Variants in NRG1 observed in about 807,000 individuals in gnomAD.
NRG1 encodes the protein neuregulin 1, also known as pro-neuregulin-1, membrane-bound isoform.
NRG1 carries 18 observed loss-of-function variants against 63.8 expected under a neutral mutation model. The observed-to-expected ratio is 0.28, with a 90% confidence interval of 0.19 to 0.42. The LOEUF is 0.42. Ranked by LOEUF, NRG1 falls within the 10% of genes least tolerant of loss-of-function variation. The pLI is 1.00. For missense variants in NRG1, 762 were observed against 814.7 expected (o/e 0.94, Z 0.79); for synonymous variants, 302 against 301.3 (o/e 1.00, Z -0.02).
intron 1 of NRG1, among the ~76,000 whole-genome samples, chr8:31,970,754 C>T (rs1286489824): frequency 6.6e-6 from 1 of 152,064 alleles, no homozygotes; most frequent in Non-Finnish European, 1.5e-5. Context: ...CATGTCCTTA[C>T]CCTCCATGTA....
chr8:32,393,427 C>T (rs895316486), intron 1 of NRG1, among the ~76,000 whole-genome samples: 8 of 152,106 alleles, frequency 5.3e-5, no homozygotes, highest in South Asian at 4.1e-4. Context: ...TAAAAACACA[C>T]GCATGCTTAT....
At chr8:31,871,270 C>T (rs768622679) in intron 1 of NRG1, among the ~76,000 whole-genome samples, 8 of 152,036 alleles carry the variant, frequency 5.3e-5, no homozygotes, top group African/African-American at 7.2e-5. Flanking sequence ...CTACTGTGCC[C>T]GTCCTTGTTT....
intron 1 of NRG1, among the ~76,000 whole-genome samples, chr8:31,723,057 T>C (rs569263956): frequency 7.1e-4 from 108 of 152,276 alleles, no homozygotes; most frequent in Middle Eastern, 6.8e-3. Context: ...AGATTATACA[T>C]TTTGGTCTTG....
At chr8:32,267,088 G>A (rs1851038152) in intron 1 of NRG1, among the ~76,000 whole-genome samples, 1 of 140,070 alleles carries the variant, frequency 7.1e-6, no homozygotes, top group South Asian at 2.3e-4. Flanking sequence ...GAGAGAGAAA[G>A]AGAGAGAAAG....
chr8:32,429,747 C>T (rs186871595), intron 1 of NRG1, among the ~76,000 whole-genome samples: 218 of 152,274 alleles, frequency 1.4e-3, no homozygotes, highest in African/African-American at 5.1e-3. Flanking sequence ...CACTGGACAT[C>T]CTACATCTGT....
At chr8:32,228,148 A>G (rs1317633079) in intron 1 of NRG1, among the ~76,000 whole-genome samples, 1 of 152,112 alleles carries the variant, frequency 6.6e-6, no homozygotes, top group Non-Finnish European at 1.5e-5. Flanking sequence ...TTATACAATA[A>G]TTTCTTGGTA....
chr8:32,712,602 T>G (rs531974930), intron 5 of NRG1, among the ~76,000 whole-genome samples: 1 of 152,338 alleles, frequency 6.6e-6, no homozygotes, highest in East Asian at 1.9e-4. Flanking sequence ...CTCGTTAAAA[T>G]GATGACTTCT....
intron 1 of NRG1, among the ~76,000 whole-genome samples, chr8:32,221,318 T>C (rs1845789332): frequency 6.6e-6 from 1 of 152,192 alleles, no homozygotes; most frequent in African/African-American, 2.4e-5. Flanking sequence ...CCTTTACCTG[T>C]CTTGATGCAC....
chr8:31,935,011 G>T (rs1423320799), intron 1 of NRG1, among the ~76,000 whole-genome samples: 1 of 152,050 alleles, frequency 6.6e-6, no homozygotes, highest in Non-Finnish European at 1.5e-5. Flanking sequence ...GAGTGCAGTG[G>T]TATGATACAG....
intron 1 of NRG1, among the ~76,000 whole-genome samples, chr8:31,696,315 C>T (rs1198735334): frequency 1.3e-5 from 2 of 152,326 alleles, no homozygotes; most frequent in Admixed American, 1.3e-4. Context: ...GATCTGCCTG[C>T]CTTGGTCTCC....
intron 1 of NRG1, among the ~76,000 whole-genome samples, chr8:32,242,793 C>T (rs913486425): frequency 2.6e-5 from 4 of 152,164 alleles, no homozygotes; most frequent in African/African-American, 9.7e-5. Flanking sequence ...TTATGCGATG[C>T]ATACTGTCCT....
At chr8:31,724,296 C>G (rs1813208487) in intron 1 of NRG1, among the ~76,000 whole-genome samples, 1 of 152,062 alleles carries the variant, frequency 6.6e-6, no homozygotes, top group Admixed American at 6.6e-5. Context: ...AACAAAATTG[C>G]TGTAGTAACT....
chr8:32,166,544 C>A (rs1839422839), intron 1 of NRG1, among the ~76,000 whole-genome samples: 1 of 152,104 alleles, frequency 6.6e-6, no homozygotes, highest in Admixed American at 6.5e-5. Flanking sequence ...GTCAGCTTGG[C>A]AGGAATTGTC....
rs186082766 is a variant in NRG1, at chr8:31,885,839, C to T, written c.37+246408C>T. Among the ~76,000 whole-genome samples the T allele has an allele frequency of 5.2e-3, 796 of 152,154 alleles. 3 individuals are homozygous for T. Among genetic ancestry groups the T allele is most frequent in the Non-Finnish European group, 9.2e-3 (627 of 67,984 alleles). On this transcript the variant is annotated intron_variant, in intron 1 of 10. Coordinates refer to the NRG1 transcript ENST00000519301. The stretch of plus-strand genomic sequence containing the variant: ...CTGTTTTCAGTACACCACTGTATTA[C>T]TCCATGGTCTTGAATTTCTGAGGTC...
At chr8:32,262,031 T>G (rs1850433787) in intron 1 of NRG1, among the ~76,000 whole-genome samples, 1 of 152,116 alleles carries the variant, frequency 6.6e-6, no homozygotes, top group African/African-American at 2.4e-5. Context: ...TCAAGAAACT[T>G]ACATAACCTT....
In NRG1 at chr8:32,757,261, T is replaced by A. The variant is rs1286397973; in HGVS notation, c.921+732T>A. On this transcript the variant is annotated intron_variant, in intron 9 of 11. Coordinates refer to ENST00000356819, the Ensembl canonical transcript of NRG1. ...ATATTATCTTTCAAATCTCTCTTTTTCTTTTTACAGATAAGGGCCAGAGCC... is the reference window on the plus strand; with the variant it reads ...ATATTATCTTTCAAATCTCTCTTTTACTTTTTACAGATAAGGGCCAGAGCC... Among the ~76,000 whole-genome samples the A allele has an allele frequency of 2.0e-5, 3 of 152,362 alleles. No homozygotes were observed. In the East Asian group the frequency reaches 5.8e-4, roughly 29 times the overall value.
At chr8:32,489,511 G>T (rs1038261408) in intron 1 of NRG1, among the ~76,000 whole-genome samples, 1 of 152,116 alleles carries the variant, frequency 6.6e-6, no homozygotes, top group African/African-American at 2.4e-5. Context: ...AGGGCGGGGG[G>T]CACTGTCCTG....
intron 1 of NRG1, among the ~76,000 whole-genome samples, chr8:32,464,908 C>T (rs907363092): frequency 2.0e-5 from 3 of 152,154 alleles, no homozygotes; most frequent in Admixed American, 6.5e-5. Flanking sequence ...GGCACAGTGG[C>T]TCACATCTGT....
chr8:32,608,491 G>A (rs144049580), intron 3 of NRG1, among the ~76,000 whole-genome samples: 5 of 151,992 alleles, frequency 3.3e-5, no homozygotes, highest in East Asian at 1.9e-4. Flanking sequence ...GGTGTGAGCC[G>A]CTGCGCCCAG....
Sources: gnomAD v4.1 joint callset for allele counts (sites outside exome capture counted in the v4.1 genomes callset) on GRCh38, gnomAD v4.1.1 for gene constraint, MANE v1.5 for transcripts, NCBI Gene and HGNC (gene_info 2026-07-23, HGNC 2026-07-21) for gene names.